The following RBBP8 variants were observed in gnomAD, a reference collection of about 807,000 sequenced individuals.
RBBP8 encodes the protein DNA endonuclease RBBP8.
In RBBP8, 88 loss-of-function variants were observed where a neutral mutation model predicts 108.3. That is an observed-to-expected ratio of 0.81 (90% CI 0.68 to 0.97). The LOEUF is 0.97. Ranked by LOEUF, RBBP8 falls within the 50% of genes least tolerant of loss-of-function variation. RBBP8 has a pLI of 0.00. For synonymous variants in RBBP8, 332 were observed against 348.2 expected, an observed-to-expected ratio of 0.95 and a Z score of 0.52; for missense variants, 1,023 against 1,049.0, an observed-to-expected ratio of 0.98 and a Z score of 0.34.
chr18:22,993,290 A>G lies in RBBP8; in HGVS notation c.1463A>G (p.Asp488Gly). 6.2e-7 allele frequency: 1 copy of G among 1,614,242 alleles called. No homozygotes were observed. The highest frequency in any genetic ancestry group is 2.2e-5 in the East Asian group (1 of 44,886). Reference sequence around the variant, plus strand: ...TCCATGAATGGAGACTGTGTGATGGATAAACCTCTGGATCTGTCTGATCGA... The same window carrying G: ...TCCATGAATGGAGACTGTGTGATGGGTAAACCTCTGGATCTGTCTGATCGA... The part of the protein sequence containing the change: ...QFSMNGDCVM[D>G]KPLDLSDRFS... The change falls in exon 11 of 19, where the codon GAT becomes GGT. Residue 488 changes from aspartate (D) to glycine (G), a missense_variant. Transcript: ENST00000327155.
chr18:22,950,923 G>T (rs955900744), intron 4 of RBBP8, among the ~76,000 whole-genome samples: 1 of 152,062 alleles, frequency 6.6e-6, no homozygotes, highest in African/African-American at 2.4e-5. Context: ...TTTTTTTCTT[G>T]ATATTTTTGT....
exon 3 of RBBP8, chr18:22,916,963 T>C (rs1909387307): frequency 6.6e-6 from 1 of 152,174 alleles, no homozygotes; most frequent in African/African-American, 2.4e-5. Context: ...AATTTTGTTA[T>C]GAAGACAGAA....
At chr18:22,991,952 C>A (rs1223507615) in intron 10 of RBBP8, among the ~76,000 whole-genome samples, 1 of 152,102 alleles carries the variant, frequency 6.6e-6, no homozygotes, top group African/African-American at 2.4e-5. Flanking sequence ...GTTTATTTTA[C>A]AGATTACAAA....
intron 2 of RBBP8, 118 bp downstream of exon 2, chr18:22,937,078 A>T (rs750732556): frequency 6.6e-7 from 1 of 1,517,974 alleles, no homozygotes; most frequent in South Asian, 1.2e-5. Context: ...TTCCGGGGGT[A>T]CATGTGCAGA....
chr18:22,971,131 C>T (rs1914044900), intron 5 of RBBP8, among the ~76,000 whole-genome samples: 1 of 136,556 alleles, frequency 7.3e-6, no homozygotes, highest in African/African-American at 2.8e-5. Flanking sequence ...CTGAAATGAG[C>T]ATGCCAGGAG....
intron 1 of RBBP8, among the ~76,000 whole-genome samples, chr18:22,935,770 A>T (rs562475267): frequency 1.3e-5 from 2 of 152,356 alleles, no homozygotes; most frequent in African/African-American, 4.8e-5. Context: ...TAATCCATTC[A>T]AACTTCTTAA....
At chr18:22,979,446 T>C (rs1914741834) in intron 6 of RBBP8, among the ~76,000 whole-genome samples, 1 of 152,198 alleles carries the variant, frequency 6.6e-6, no homozygotes, top group Non-Finnish European at 1.5e-5. Context: ...AATTAAAGTG[T>C]AAATCTTTTT....
chr18:22,915,794 G>T (rs1909333164), intron 2 of RBBP8, among the ~76,000 whole-genome samples: 1 of 151,882 alleles, frequency 6.6e-6, no homozygotes, highest in South Asian at 2.1e-4. Context: ...TTTAATTTGG[G>T]ATTCTAATTT....
intron 15 of RBBP8, among the ~76,000 whole-genome samples, chr18:23,004,199 G>C (rs900900369): frequency 1.3e-5 from 2 of 151,520 alleles, no homozygotes; most frequent in Non-Finnish European, 2.9e-5. Flanking sequence ...GCACTGTTCA[G>C]AATAGCCAAG....
At chr18:23,011,220 T>C (rs563952664) in intron 16 of RBBP8, among the ~76,000 whole-genome samples, 102 of 152,320 alleles carry the variant, frequency 6.7e-4, no homozygotes, top group South Asian at 3.3e-3. Context: ...TAAGGTATAC[T>C]TTCTGTTTCA....
chr18:22,943,950 A>C (rs1032789236), intron 2 of RBBP8, among the ~76,000 whole-genome samples: 3 of 152,228 alleles, frequency 2.0e-5, no homozygotes, highest in East Asian at 3.9e-4. Flanking sequence ...AGTGTGTGTA[A>C]GGTTAATTGT....
chr18:23,009,979 C>G (rs2046127748), intron 16 of RBBP8, among the ~76,000 whole-genome samples: 1 of 152,226 alleles, frequency 6.6e-6, no homozygotes, highest in Non-Finnish European at 1.5e-5. Context: ...CCAGGATGGT[C>G]TCGATCTCTT....
intron 5 of RBBP8, among the ~76,000 whole-genome samples, chr18:22,971,129 A>G (rs1336724978): frequency 2.8e-5 from 4 of 142,186 alleles, no homozygotes; most frequent in Non-Finnish European, 4.5e-5. Flanking sequence ...GGCTGAAATG[A>G]GCATGCCAGG....
At chr18:22,936,093 A>G (rs1236743403) in intron 1 of RBBP8, among the ~76,000 whole-genome samples, 1 of 152,128 alleles carries the variant, frequency 6.6e-6, no homozygotes, top group Admixed American at 6.6e-5. Flanking sequence ...ACCAATTCAA[A>G]AGTTAAAAAA....
intron 3 of RBBP8, among the ~76,000 whole-genome samples, chr18:22,926,312 A>G (rs1402565963): frequency 6.6e-6 from 1 of 152,104 alleles, no homozygotes; most frequent in Non-Finnish European, 1.5e-5. Flanking sequence ...AATCCTAACT[A>G]CTCAAGATGC....
Position 23,001,735 on chromosome 18 carries a change from A to G in RBBP8, c.2287+6A>G. ...TGCCACAAAGAAACTACACAGTAAG[A>G]TTTTTTTCTGTTTAATTATGGCTTC... is the stretch of plus-strand genomic sequence containing the variant. On this transcript the variant is annotated splice_donor_region_variant and intron_variant, in intron 15 of 18. Coordinates refer to ENST00000327155, the MANE Select transcript of RBBP8 (RefSeq NM_002894.3). The G allele has an allele frequency of 6.2e-7, 1 of 1,614,070 alleles. No individual in the cohort carries two copies. The highest frequency in any genetic ancestry group is 8.5e-7 in the Non-Finnish European group (1 of 1,179,986).
intron 2 of RBBP8, among the ~76,000 whole-genome samples, chr18:22,940,087 A>G (rs1022081443): frequency 2.6e-5 from 4 of 152,072 alleles, no homozygotes; most frequent in Non-Finnish European, 5.9e-5. Flanking sequence ...AGAAATGTAC[A>G]TAGATCCAAA....
At chr18:23,022,666 A>AAT (rs1491272392) in intron 18 of RBBP8, among the ~76,000 whole-genome samples, 17 of 142,182 alleles carry the variant, frequency 1.2e-4, no homozygotes, top group South Asian at 2.1e-4. Flanking sequence ...AATAAAATAA[A>AAT]ATAAATAACT....
At chr18:23,015,625 T>G (rs79619780) in intron 16 of RBBP8, among the ~76,000 whole-genome samples, 1 of 152,292 alleles carries the variant, frequency 6.6e-6, no homozygotes, top group African/African-American at 2.4e-5. Context: ...CATTTTGAGT[T>G]GATTTTTATA....
Sources: gnomAD v4.1 joint callset for allele counts (sites outside exome capture counted in the v4.1 genomes callset) on GRCh38, gnomAD v4.1.1 for gene constraint, MANE v1.5 for transcripts, NCBI Gene and HGNC (gene_info 2026-07-23, HGNC 2026-07-21) for gene names.